POLE4: variants seen among roughly 807,000 people sequenced by gnomAD.
POLE4 encodes DNA polymerase epsilon subunit 4.
Under a neutral mutation model 15.6 loss-of-function variants are expected in POLE4, and 15 were observed. That is an observed-to-expected ratio of 0.96 (90% CI 0.64 to 1.48). POLE4 has a LOEUF of 1.48. Among genes scored for constraint, POLE4 ranks in the 40% most tolerant of loss-of-function variants. The pLI, the probability that POLE4 is intolerant of heterozygous loss-of-function variation, is 0.00. For synonymous variants in POLE4, 83 were observed against 63.2 expected (o/e 1.31, Z -1.49); for missense variants, 205 against 151.9 (o/e 1.35, Z -1.84).
intron 3 of POLE4, among the ~76,000 whole-genome samples, chr2:74,960,809 A>T (rs1189514247): frequency 6.6e-6 from 1 of 152,232 alleles, no homozygotes; most frequent in African/African-American, 2.4e-5. Context: ...TCAGATTATA[A>T]TGGAGCTGAA....
intron 2 of POLE4, 27 bp downstream of exon 2, chr2:74,959,452 A>C: frequency 6.9e-7 from 1 of 1,459,098 alleles, no homozygotes; most frequent in East Asian, 2.3e-5. Flanking sequence ...GTGTCTGGGG[A>C]CAGACAAGGG....
intron 3 of POLE4, among the ~76,000 whole-genome samples, chr2:74,963,327 T>C (rs1211121713): frequency 2.0e-5 from 3 of 152,184 alleles, no homozygotes; most frequent in African/African-American, 7.2e-5. Flanking sequence ...TGTTATTGAA[T>C]GTAAGTGATA....
chr2:74,959,255 C>G, intron 1 of POLE4, 86 bp from the exon 2 acceptor site: 1 of 811,380 alleles, frequency 1.2e-6, no homozygotes, highest in South Asian at 1.6e-5. Context: ...TTTCTTCTCC[C>G]TTTCTGCCCC....
Position 74,958,763 on chromosome 2 carries a change from G to A in POLE4, c.84G>A (p.Gln28=). 1 of 1,542,776 alleles carries A rather than the reference G, an allele frequency of 6.5e-7. No homozygotes were observed. The highest frequency in any genetic ancestry group is 8.7e-7 in the Non-Finnish European group (1 of 1,143,436). The change falls in exon 1 of 4, where the codon CAG becomes CAA. Residue 28 remains glutamine, a synonymous_variant. Coordinates refer to ENST00000483063, the MANE Select transcript of POLE4 (RefSeq NM_019896.4). ...PAGEAAASQP[Q]APTSVPGARL... is the part of the protein sequence containing the mutation. ...GGGAGGCAGCGGCCTCGCAGCCCCA[G>A]GCCCCAACGAGTGTGCCTGGGGCTC...
chr2:74,967,365 T>C (rs1410954655), intron 3 of POLE4, among the ~76,000 whole-genome samples: 2 of 151,912 alleles, frequency 1.3e-5, no homozygotes, highest in Non-Finnish European at 2.9e-5. Context: ...TTCAGTACTG[T>C]GAGTTCTGTT....
chr2:74,958,814 AGTGAAGGCCTTG>A lies in POLE4; in HGVS notation c.144_155del (p.Leu49_Ala52del), dbSNP rs1313150092. On this transcript the variant is annotated inframe_deletion, in exon 1 of 4. Coordinates refer to ENST00000483063, the MANE Select transcript of POLE4 (RefSeq NM_019896.4). ...GTCTCTCGAGGTTGCCTCTGGCGCGAGTGAAGGCCTTGGTGAAGGCAGATCCCGACGTGACGC... is the reference window on the plus strand; with the variant it reads ...GTCTCTCGAGGTTGCCTCTGGCGCGAGTGAAGGCAGATCCCGACGTGACGC... 1.3e-6 allele frequency: 2 copies of A among 1,556,734 alleles called. No individual in the cohort carries two copies. The highest frequency in any genetic ancestry group is 1.7e-6 in the Non-Finnish European group (2 of 1,150,270).
intron 3 of POLE4, among the ~76,000 whole-genome samples, chr2:74,969,156 C>T (rs774701450): frequency 1.3e-5 from 2 of 152,116 alleles, no homozygotes; most frequent in African/African-American, 4.8e-5. Flanking sequence ...ACTAACACAA[C>T]GACTTCTTAG....
chr2:74,959,385 T>A lies in POLE4; in HGVS notation c.258T>A (p.Ala86=), dbSNP rs1671181762. Residue 86 remains alanine, a synonymous_variant, in exon 2 of 4, where the codon GCT becomes GCA. Coordinates refer to ENST00000483063, the MANE Select transcript of POLE4 (RefSeq NM_019896.4). ...ETIAKDAYCC[A]QQGKRKTLQR... The stretch of plus-strand genomic sequence containing the variant: ...TTGCAAAAGATGCCTACTGTTGCGC[T>A]CAGCAGGGAAAAAGGAAAACCCTTC... 4 of 1,613,866 alleles carry A rather than the reference T, an allele frequency of 2.5e-6. No individual in the cohort carries two copies. Among genetic ancestry groups the A allele is most frequent in the Non-Finnish European group, 3.4e-6 (4 of 1,179,796 alleles).
chr2:74,968,379 C>T (rs997608411), intron 3 of POLE4, among the ~76,000 whole-genome samples: 1 of 151,870 alleles, frequency 6.6e-6, no homozygotes, highest in Admixed American at 6.6e-5. Flanking sequence ...TGGTGATTTT[C>T]ATTCTATTTA....
intron 3 of POLE4, 145 bp from the exon 4 acceptor site, chr2:74,969,264 G>T: frequency 1.3e-6 from 1 of 767,064 alleles, no homozygotes; most frequent in Non-Finnish European, 2.4e-6. Context: ...GGATATTTTG[G>T]ATGGATCATC....
chr2:74,965,204 C>T (rs1671279063), intron 3 of POLE4, among the ~76,000 whole-genome samples: 1 of 151,290 alleles, frequency 6.6e-6, no homozygotes, highest in South Asian at 2.1e-4. Context: ...AGTGATTCTC[C>T]TGCCTCAGCC....
Position 74,958,720 on chromosome 2 carries a change from AG to A in POLE4, c.43del (p.Glu15ArgfsTer32). ...AAAAGSGTPR[E>X]EEGPAGEAAA... ...GCGGCAGGAAGCGGGACGCCCCGAGAGGAGGAGGGACCTGCTGGGGAGGCAG... is the reference window on the plus strand; with the variant it reads ...GCGGCAGGAAGCGGGACGCCCCGAGAGAGGAGGGACCTGCTGGGGAGGCAG... On this transcript the variant is annotated frameshift_variant, in exon 1 of 4. Coordinates refer to ENST00000483063, the MANE Select transcript of POLE4 (RefSeq NM_019896.4). LOFTEE classifies it high-confidence loss of function. 6.7e-7 allele frequency: 1 copy of A among 1,497,854 alleles called. No individual in the cohort carries two copies. Among genetic ancestry groups the A allele is most frequent in the Non-Finnish European group, 8.9e-7 (1 of 1,126,084 alleles). The allele number at this position is 1,497,854 out of a possible 1,614,324, so 92.8% of individuals were successfully genotyped here. A position where few individuals can be genotyped will look rare whatever the true frequency, so the allele number is the denominator to read the frequency against.
chr2:74,967,509 A>G (rs1014909116), intron 3 of POLE4, among the ~76,000 whole-genome samples: 1 of 151,930 alleles, frequency 6.6e-6, no homozygotes, highest in Non-Finnish European at 1.5e-5. Context: ...AACATAGTAA[A>G]CACAGTTGTT....
In POLE4 at chr2:74,960,152, T is replaced by C; in HGVS notation, c.340+6T>C. 6.2e-7 allele frequency: 1 copy of C among 1,610,466 alleles called. No individual in the cohort carries two copies. Among genetic ancestry groups the C allele is most frequent in the Non-Finnish European group, 8.5e-7 (1 of 1,176,662 alleles). ...TGAATTTGCTTTTCTGGAAGGTGAG[T>C]TCCCTCTCAGTGGGCAATCATTTCC... On this transcript the variant is annotated splice_donor_region_variant and intron_variant, in intron 3 of 3. Coordinates refer to ENST00000483063, the MANE Select transcript of POLE4 (RefSeq NM_019896.4).
chr2:74,969,621 A>G lies in POLE4; in HGVS notation c.*199A>G, dbSNP rs1227554771. 1.6e-5 allele frequency: 10 copies of G among 628,302 alleles called. No individual in the cohort carries two copies. In the Admixed American group the frequency reaches 2.4e-4, roughly 15 times the overall value. 38.9% of individuals were successfully genotyped at this position (628,302 alleles called of 1,614,324 possible). On this transcript the variant is annotated 3_prime_UTR_variant, in exon 4 of 4. Transcript: ENST00000483063. ...CTTCCACTATTTCTGTCTGTCTTCC[A>G]TATCAAGCCTGGATGCAGCTGCTGC... is the stretch of plus-strand genomic sequence containing the variant.
intron 3 of POLE4, chr2:74,960,487 A>G: frequency 2.2e-6 from 1 of 463,308 alleles, no homozygotes; most frequent in Non-Finnish European, 4.2e-6. Context: ...ATCAGAAACA[A>G]TTGTTAACAT....
intron 3 of POLE4, among the ~76,000 whole-genome samples, chr2:74,964,721 TTAA>T (rs2103680127): frequency 6.6e-6 from 1 of 152,312 alleles, no homozygotes; most frequent in South Asian, 2.1e-4. Flanking sequence ...GATGTAGTTC[TTAA>T]TAATTTGAAT....
chr2:74,966,552 C>T (rs1429492033), intron 3 of POLE4, among the ~76,000 whole-genome samples: 1 of 152,174 alleles, frequency 6.6e-6, no homozygotes, highest in African/African-American at 2.4e-5. Context: ...CAGGCATGCA[C>T]CACCAAGCCT....
At position 74,959,383 on chromosome 2, in the gene POLE4, G is replaced by A. The variant is rs1044000584; in HGVS notation, c.256G>A (p.Ala86Thr). Residue 86 changes from alanine (A) to threonine (T), a missense_variant, in exon 2 of 4, where the codon GCT becomes ACT. Physicochemically the swap from Ala to Thr is moderately conservative, Grantham distance 58. Coordinates refer to ENST00000483063, the MANE Select transcript of POLE4 (RefSeq NM_019896.4). ...ETIAKDAYCC[A>T]QQGKRKTLQR... ...CATTGCAAAAGATGCCTACTGTTGC[G>A]CTCAGCAGGGAAAAAGGAAAACCCT... 3.7e-6 allele frequency: 6 copies of A among 1,613,690 alleles called. No individual in the cohort carries two copies. The highest frequency in any genetic ancestry group is 1.7e-4 in the Middle Eastern group (1 of 6,060).
Sources: gnomAD v4.1 joint callset for allele counts (sites outside exome capture counted in the v4.1 genomes callset) on GRCh38, gnomAD v4.1.1 for gene constraint, MANE v1.5 for transcripts, NCBI Gene and HGNC (gene_info 2026-07-23, HGNC 2026-07-21) for gene names.